CTNNA2: variants seen among roughly 807,000 people sequenced by gnomAD.
CTNNA2 encodes the protein catenin alpha-2.
In CTNNA2, 42 loss-of-function variants were observed where a neutral mutation model predicts 101.0. The observed-to-expected ratio is 0.42, with a 90% CI of 0.32 to 0.54. CTNNA2 has a LOEUF of 0.54. CTNNA2 is among the 20% of genes least tolerant of loss of function. The pLI is 0.14. For synonymous variants in CTNNA2, 450 were observed against 456.4 expected (o/e 0.99, Z 0.18); for missense variants, 871 against 1,223.1 (o/e 0.71, Z 4.29).
At chr2:80,621,317 T>C (rs1573480991) in intron 18 of CTNNA2, among the ~76,000 whole-genome samples, 1 of 152,002 alleles carries the variant, frequency 6.6e-6, no homozygotes, top group African/African-American at 2.4e-5. Context: ...AGTTTTTATT[T>C]TGTACATACA....
chr2:80,023,207 T>G (rs902857970), intron 7 of CTNNA2, among the ~76,000 whole-genome samples: 3 of 152,224 alleles, frequency 2.0e-5, no homozygotes, highest in African/African-American at 7.2e-5. Context: ...CTCTAACTTG[T>G]TTTTCTTCTT....
intron 9 of CTNNA2, among the ~76,000 whole-genome samples, chr2:80,442,599 T>G (rs1469529737): frequency 6.6e-6 from 1 of 152,152 alleles, no homozygotes; most frequent in Non-Finnish European, 1.5e-5. Flanking sequence ...AAGAGGATGA[T>G]CCACTGGGTG....
intron 2 of CTNNA2, among the ~76,000 whole-genome samples, chr2:79,661,000 T>C (rs1402620871): frequency 3.3e-5 from 5 of 152,206 alleles, no homozygotes; most frequent in Non-Finnish European, 5.9e-5. Flanking sequence ...TGATACTGTT[T>C]TGCTGAAATT....
intron 9 of CTNNA2, among the ~76,000 whole-genome samples, chr2:80,479,198 A>G (rs1212378907): frequency 2.0e-5 from 3 of 152,126 alleles, no homozygotes; most frequent in Non-Finnish European, 4.4e-5. Context: ...ATTTTATTAT[A>G]ACCAACTCTT....
intron 7 of CTNNA2, among the ~76,000 whole-genome samples, chr2:80,309,369 T>C (rs1677321269): frequency 6.6e-6 from 1 of 152,220 alleles, no homozygotes; most frequent in East Asian, 1.9e-4. Flanking sequence ...AATCCCTTTT[T>C]CTTCTTCTGA....
chr2:80,264,977 GTTT>G (rs34918157), intron 7 of CTNNA2, among the ~76,000 whole-genome samples: 5 of 139,368 alleles, frequency 3.6e-5, no homozygotes, highest in Admixed American at 7.2e-5. Flanking sequence ...GGGAAGAGGT[GTTT>G]TTTTTTTTTT....
intron 9 of CTNNA2, among the ~76,000 whole-genome samples, chr2:80,459,768 A>G (rs1218594174): frequency 6.6e-6 from 1 of 152,038 alleles, no homozygotes; most frequent in South Asian, 2.1e-4. Flanking sequence ...TGTCTTGGAG[A>G]TGATGTGCCG....
intron 7 of CTNNA2, among the ~76,000 whole-genome samples, chr2:80,079,842 T>TAAAATAAAATAAAATAAAATAAA (rs1699014852): frequency 1.2e-5 from 1 of 82,076 alleles, no homozygotes; most frequent in Non-Finnish European, 2.2e-5. Flanking sequence ...TAAAATAAAA[T>TAAAATAAAATAAAATAAAATAAA]AAAATAAAAT....
intron 2 of CTNNA2, among the ~76,000 whole-genome samples, chr2:79,298,888 T>C (rs1676042400): frequency 6.6e-6 from 1 of 152,246 alleles, no homozygotes; most frequent in Admixed American, 6.5e-5. Context: ...AAACAGCCTT[T>C]AACTGTTCAG....
chr2:80,380,315 C>A (rs553731245), intron 7 of CTNNA2, among the ~76,000 whole-genome samples: 21 of 152,190 alleles, frequency 1.4e-4, no homozygotes, highest in Admixed American at 2.6e-4. Flanking sequence ...GGATTACAGG[C>A]GTGAGCCACC....
At chr2:80,161,278 A>C (rs1360030893) in intron 7 of CTNNA2, among the ~76,000 whole-genome samples, 1 of 152,128 alleles carries the variant, frequency 6.6e-6, no homozygotes, top group Non-Finnish European at 1.5e-5. Context: ...AGCCTCCCAA[A>C]GTGCTGGGAT....
intron 7 of CTNNA2, 103 bp downstream of exon 7, chr2:79,909,900 G>T (rs531216246): frequency 1.7e-6 from 2 of 1,197,472 alleles, no homozygotes; most frequent in South Asian, 1.7e-5. Flanking sequence ...CAGACCAGGT[G>T]TTTACCAAAG....
chr2:80,569,995 T>C (rs1269638694), intron 12 of CTNNA2, among the ~76,000 whole-genome samples: 1 of 151,992 alleles, frequency 6.6e-6, no homozygotes, highest in Non-Finnish European at 1.5e-5. Flanking sequence ...CAACCTAACA[T>C]CTTAGGTTCT....
intron 2 of CTNNA2, among the ~76,000 whole-genome samples, chr2:79,260,407 C>T (rs1048683428): frequency 2.0e-5 from 3 of 152,142 alleles, no homozygotes; most frequent in Admixed American, 6.5e-5. Context: ...AGATATGTCT[C>T]CTTACCTCAG....
At chr2:80,365,336 G>C (rs1445300836) in intron 7 of CTNNA2, among the ~76,000 whole-genome samples, 4 of 152,130 alleles carry the variant, frequency 2.6e-5, no homozygotes, top group African/African-American at 9.7e-5. Context: ...CTGTTGACAT[G>C]CTGACAGTGC....
At chr2:80,208,218 CTTCTT>C (rs1707651743) in intron 7 of CTNNA2, among the ~76,000 whole-genome samples, 2 of 152,286 alleles carry the variant, frequency 1.3e-5, no homozygotes, top group African/African-American at 4.8e-5. Context: ...ATCATTATGA[CTTCTT>C]TTCATATGTG....
At chr2:79,552,709 G>T (rs868322541) in intron 1 of CTNNA2, among the ~76,000 whole-genome samples, 33 of 152,166 alleles carry the variant, frequency 2.2e-4, no homozygotes, top group African/African-American at 7.5e-4. Flanking sequence ...AGCCACCAAA[G>T]CTTTTGGCTT....
chr2:80,424,942 G>A (rs907153035), intron 9 of CTNNA2, among the ~76,000 whole-genome samples: 8 of 152,126 alleles, frequency 5.3e-5, no homozygotes, highest in South Asian at 2.1e-4. Flanking sequence ...CTGCCTCAGC[G>A]GGGCTGTGCT....
At chr2:80,100,046 C>G (rs1700445948) in intron 7 of CTNNA2, among the ~76,000 whole-genome samples, 1 of 152,108 alleles carries the variant, frequency 6.6e-6, no homozygotes, top group Non-Finnish European at 1.5e-5. Context: ...TCTCCTGCCC[C>G]AGCCTCCCAA....
Sources: gnomAD v4.1 joint callset for allele counts (sites outside exome capture counted in the v4.1 genomes callset) on GRCh38, gnomAD v4.1.1 for gene constraint, MANE v1.5 for transcripts, NCBI Gene and HGNC (gene_info 2026-07-23, HGNC 2026-07-21) for gene names.